NPTN: variants seen among roughly 807,000 people sequenced by gnomAD.
NPTN encodes SDR-1.
A neutral mutation model predicts 42.7 loss-of-function variants in NPTN; 5 were observed. The ratio of observed to expected loss-of-function variants is 0.12; its 90% confidence interval spans 0.06 to 0.25. The LOEUF is 0.25. Ranked by LOEUF, NPTN falls within the 10% of genes least tolerant of loss-of-function variation. The probability of loss-of-function intolerance (pLI) is 1.00; values close to 1 mark genes in which losing one functional copy is unlikely to be tolerated. For missense variants in NPTN, 307 were observed against 525.4 expected (o/e 0.58, Z 4.06); for synonymous variants, 180 against 201.9 (o/e 0.89, Z 0.92).
intron 2 of NPTN, among the ~76,000 whole-genome samples, chr15:73,596,768 T>C (rs777752147): frequency 2.8e-4 from 43 of 152,068 alleles, no homozygotes; most frequent in Non-Finnish European, 3.4e-4. Flanking sequence ...AAGTTCTTTG[T>C]TCCTGAGAAG....
chr15:73,591,061 C>T (rs1174808022), intron 3 of NPTN, among the ~76,000 whole-genome samples: 2 of 152,156 alleles, frequency 1.3e-5, no homozygotes, highest in Non-Finnish European at 2.9e-5. Flanking sequence ...TATTAAAATA[C>T]AGTATTTGGC....
At chr15:73,564,224 A>G (rs1894849742) in intron 6 of NPTN, among the ~76,000 whole-genome samples, 1 of 152,196 alleles carries the variant, frequency 6.6e-6, no homozygotes. Flanking sequence ...TTATTATACA[A>G]AAGTCAGGTA....
rs569839281 is a variant in NPTN at position 73,567,951 on chromosome 15, C to T, written c.1114+2199G>A. On this transcript the variant is annotated intron_variant, in intron 6 of 8. Transcript: ENST00000345330. The stretch of plus-strand genomic sequence containing the variant: ...AGGTTTTACTTTGCACTTACCCTGC[C>T]GTCATCTCTTTTAAGGGTAGGATTC... 121 of 985,374 alleles carry T rather than the reference C, an allele frequency of 1.2e-4. 2 individuals carry two copies. The South Asian group carries it at 5.3e-3, about 43-fold the overall frequency. 61.0% of individuals were successfully genotyped at this position (985,374 alleles called of 1,614,324 possible).
intron 1 of NPTN, among the ~76,000 whole-genome samples, chr15:73,600,622 T>G (rs893029410): frequency 6.6e-6 from 1 of 152,188 alleles, no homozygotes; most frequent in Admixed American, 6.5e-5. Flanking sequence ...GGTCAATGTG[T>G]CTCACTGGCC....
At chr15:73,561,695 C>A (rs1263517310) in intron 8 of NPTN, among the ~76,000 whole-genome samples, 1 of 152,070 alleles carries the variant, frequency 6.6e-6, no homozygotes, top group Non-Finnish European at 1.5e-5. Flanking sequence ...ATCCAAACAA[C>A]AACAAAAAAC....
chr15:73,616,746 A>G (rs1482270989), intron 1 of NPTN, among the ~76,000 whole-genome samples: 2 of 152,196 alleles, frequency 1.3e-5, no homozygotes, highest in African/African-American at 2.4e-5. Context: ...CTACTTACCT[A>G]GTGTCCCAAA....
At chr15:73,589,058 G>A (rs575720571) in intron 3 of NPTN, among the ~76,000 whole-genome samples, 3 of 152,258 alleles carry the variant, frequency 2.0e-5, no homozygotes, top group South Asian at 2.1e-4. Context: ...TGGGTCAGGC[G>A]TGGTGGCTCA....
intron 4 of NPTN, among the ~76,000 whole-genome samples, chr15:73,583,531 G>A (rs1896164391): frequency 6.6e-6 from 1 of 152,180 alleles, no homozygotes; most frequent in African/African-American, 2.4e-5. Flanking sequence ...CACAGTAAGT[G>A]TGCAATAATG....
intron 1 of NPTN, among the ~76,000 whole-genome samples, chr15:73,628,713 C>T (rs772224222): frequency 3.3e-4 from 50 of 152,106 alleles, no homozygotes; most frequent in Non-Finnish European, 5.6e-4. Flanking sequence ...TTTCTAATTA[C>T]ATTTGGTCAT....
At chr15:73,563,489 C>T in intron 6 of NPTN, 1 of 1,337,970 alleles carries the variant, frequency 7.5e-7, no homozygotes, top group Non-Finnish European at 9.6e-7. Context: ...TTAGTTAACA[C>T]TTTGAATGCT....
At chr15:73,571,154 G>A (rs999444156) in intron 5 of NPTN, among the ~76,000 whole-genome samples, 11 of 152,196 alleles carry the variant, frequency 7.2e-5, no homozygotes, top group East Asian at 3.9e-4. Context: ...GCATAGTGGT[G>A]TACACCTGTG....
chr15:73,611,506 C>T (rs1394358191), intron 1 of NPTN, among the ~76,000 whole-genome samples: 2 of 151,934 alleles, frequency 1.3e-5, no homozygotes, highest in Non-Finnish European at 2.9e-5. Flanking sequence ...AAAGGGTACA[C>T]AGTATGATTC....
chr15:73,581,096 T>A (rs888256594), intron 4 of NPTN, among the ~76,000 whole-genome samples: 3 of 152,130 alleles, frequency 2.0e-5, no homozygotes, highest in Admixed American at 2.0e-4. Flanking sequence ...TTCTAAGAAA[T>A]CAAAGATACT....
At position 73,569,260 on chromosome 15, in the gene NPTN, C is replaced by T; in HGVS notation, c.1114+890G>A. ...CTGGGAACCTGAAGTACTGCAGATA[C>T]AAGTCTCCATCAGCAGCTTCCCCCT... On this transcript the variant is annotated intron_variant, in intron 6 of 8. Transcript: ENST00000345330. The surrounding 1 kb of genome is among the most constrained non-coding windows in gnomAD (Gnocchi z 4.1). 1 of 985,540 alleles carries T rather than the reference C, an allele frequency of 1.0e-6. No homozygotes were observed. The highest frequency in any genetic ancestry group is 1.2e-6 in the Non-Finnish European group (1 of 830,006). The allele number at this position is 985,540 out of a possible 1,614,324, so 61.0% of individuals were successfully genotyped here.
chr15:73,573,746 C>T lies in NPTN; in HGVS notation c.756G>A (p.Gly252=). 3.8e-6 allele frequency: 6 copies of T among 1,597,288 alleles called. No individual in the cohort carries two copies. The highest frequency in any genetic ancestry group is 5.1e-6 in the Non-Finnish European group (6 of 1,172,784). ...ACTTGCAATACATAGTGGCATCCTG[C>T]CCTTCATTCTTGTTCTCACTCCGTT... ...GHKRSENKNE[G]QDATMYCKSV... is the part of the protein sequence containing the mutation. The change falls in exon 5 of 9, where the codon GGG becomes GGA. Residue 252 remains glycine (G), a synonymous_variant. Coordinates refer to ENST00000345330, the MANE Select transcript of NPTN (RefSeq NM_012428.4).
In NPTN at chr15:73,570,304, G is replaced by A. The variant is rs753969241; in HGVS notation, c.960C>T (p.Asn320=). The A allele has an allele frequency of 1.2e-5, 20 of 1,614,102 alleles. No homozygotes were observed. The highest frequency in any genetic ancestry group is 6.7e-5 in the Admixed American group (4 of 60,012). Residue 320 remains asparagine (N), a synonymous_variant, in exon 6 of 9, where the codon AAC becomes AAT. Coordinates refer to ENST00000345330, the MANE Select transcript of NPTN (RefSeq NM_012428.4). This position sits in a 1 kb window ranked among gnomAD's most constrained non-coding sequence, Gnocchi z 4.0. ...DPGEYECNAT[N]AIGSASVVTV... is the part of the protein sequence containing the mutation. ...TGACAACAGAGGCGGAGCCAATGGC[G>A]TTGGTGGCATTACATTCATACTCGC...
intron 4 of NPTN, among the ~76,000 whole-genome samples, chr15:73,587,264 T>C (rs1171879321): frequency 6.6e-6 from 1 of 152,232 alleles, no homozygotes; most frequent in African/African-American, 2.4e-5. Flanking sequence ...ATGATGTAAG[T>C]ACTGCTGATA....
chr15:73,576,010 C>G (rs1895674705), intron 4 of NPTN, among the ~76,000 whole-genome samples: 1 of 152,214 alleles, frequency 6.6e-6, no homozygotes, highest in Admixed American at 6.5e-5. Flanking sequence ...CCGAACTTTT[C>G]CCACAGCTAC....
At chr15:73,567,702 A>G in intron 6 of NPTN, 1 of 985,420 alleles carries the variant, frequency 1.0e-6, no homozygotes, top group South Asian at 4.7e-5. Flanking sequence ...AGTTTGAGAG[A>G]AAGACAGAAA....
Sources: gnomAD v4.1 joint callset for allele counts (sites outside exome capture counted in the v4.1 genomes callset) on GRCh38, gnomAD v4.1.1 for gene constraint, Gnocchi (gnomAD v3.1) non-coding constraint, MANE v1.5 for transcripts, NCBI Gene and HGNC (gene_info 2026-07-23, HGNC 2026-07-21) for gene names.